The following CCSER1 variants were observed in gnomAD, a reference collection of about 807,000 sequenced individuals.
CCSER1 encodes coiled-coil serine rich protein 1, also known as serine-rich coiled-coil domain-containing protein 1.
Under a neutral mutation model 82.0 loss-of-function variants are expected in CCSER1, and 41 were observed. That is an observed-to-expected ratio of 0.50 (90% CI 0.39 to 0.65). CCSER1 has a LOEUF of 0.65. Among genes scored for constraint, CCSER1 ranks in the 30% least tolerant of loss-of-function variants. CCSER1 has a pLI of 0.00. For missense variants in CCSER1, 1,119 were observed against 1,064.2 expected, an observed-to-expected ratio of 1.05 and a Z score of -0.72; for synonymous variants, 414 against 383.9, an observed-to-expected ratio of 1.08 and a Z score of -0.92.
chr4:91,570,663 G>T (rs1763130661), intron 10 of CCSER1, among the ~76,000 whole-genome samples: 1 of 152,144 alleles, frequency 6.6e-6, no homozygotes, highest in South Asian at 2.1e-4. Context: ...ATGTCTCAAG[G>T]CTGCATAGAA....
Position 91,238,143 on chromosome 4 carries a change from T to A in CCSER1, c.2217+152149T>A, listed in dbSNP as rs1739162083. ...TTCACTCCCTTGATTGGGTTACTAA[T>A]CAGTTGACTTTGACGTTATCAAAAG... On this transcript the variant is annotated intron_variant, in intron 10 of 10. Transcript: ENST00000509176. Among the ~76,000 whole-genome samples the A allele has an allele frequency of 2.0e-5, 3 of 152,114 alleles. No individual in the cohort carries two copies. The South Asian group carries it at 6.2e-4, about 32-fold the overall frequency.
At chr4:91,017,470 G>A (rs1247537007) in intron 9 of CCSER1, among the ~76,000 whole-genome samples, 6 of 152,040 alleles carry the variant, frequency 3.9e-5, no homozygotes, top group Non-Finnish European at 7.4e-5. Context: ...AGGTAAACTC[G>A]TGTAATGGGG....
intron 9 of CCSER1, among the ~76,000 whole-genome samples, chr4:91,062,141 C>A (rs555052369): frequency 1.3e-5 from 2 of 151,944 alleles, no homozygotes; most frequent in African/African-American, 2.4e-5. Context: ...TCATCTTTTT[C>A]CCAAATTAAC....
At chr4:90,588,404 A>G (rs1782279303) in intron 5 of CCSER1, among the ~76,000 whole-genome samples, 1 of 152,186 alleles carries the variant, frequency 6.6e-6, no homozygotes, top group African/African-American at 2.4e-5. Context: ...TAATCTCAAG[A>G]AAACATTTTC....
intron 10 of CCSER1, among the ~76,000 whole-genome samples, chr4:91,268,119 TAATC>T (rs766246772): frequency 9.2e-5 from 14 of 152,196 alleles, no homozygotes; most frequent in Non-Finnish European, 1.9e-4. Context: ...ATTTTGAAAT[TAATC>T]ATACCAAAAT....
At chr4:91,277,622 T>A (rs1347588795) in intron 10 of CCSER1, among the ~76,000 whole-genome samples, 5 of 150,574 alleles carry the variant, frequency 3.3e-5, no homozygotes, top group Non-Finnish European at 7.4e-5. Flanking sequence ...TTATCTTTTT[T>A]AAAAAACAAC....
chr4:90,681,817 G>C (rs1441708414), intron 6 of CCSER1, among the ~76,000 whole-genome samples: 1 of 151,836 alleles, frequency 6.6e-6, no homozygotes, highest in Non-Finnish European at 1.5e-5. Flanking sequence ...TTTAAGAATT[G>C]ATAATTATAC....
chr4:90,165,526 A>G (rs1470798458), intron 1 of CCSER1, among the ~76,000 whole-genome samples: 8 of 152,090 alleles, frequency 5.3e-5, no homozygotes, highest in African/African-American at 1.7e-4. Flanking sequence ...TTCAACAAAC[A>G]TTAAATTGTT....
intron 7 of CCSER1, among the ~76,000 whole-genome samples, chr4:90,793,732 G>T (rs1755597822): frequency 6.6e-6 from 1 of 152,146 alleles, no homozygotes; most frequent in Non-Finnish European, 1.5e-5. Flanking sequence ...TTAGGTCTTT[G>T]AAGAATCACC....
chr4:91,177,876 C>G (rs7697321), intron 10 of CCSER1, among the ~76,000 whole-genome samples: 108,108 of 152,004 alleles, frequency 0.71, 38,902 homozygotes, highest in Non-Finnish European at 0.78. Context: ...TTTGCTCTTG[C>G]TTCTCTAGTT....
intron 10 of CCSER1, among the ~76,000 whole-genome samples, chr4:91,362,132 G>A (rs1391364767): frequency 1.3e-5 from 2 of 151,850 alleles, no homozygotes; most frequent in South Asian, 2.1e-4. Flanking sequence ...GGAAGATAAG[G>A]TCAGAGAGAT....
chr4:90,215,374 C>G (rs924278085), intron 1 of CCSER1, among the ~76,000 whole-genome samples: 1 of 152,164 alleles, frequency 6.6e-6, no homozygotes, highest in Non-Finnish European at 1.5e-5. Context: ...GTATATATTT[C>G]TTAAGCATAT....
intron 4 of CCSER1, among the ~76,000 whole-genome samples, chr4:90,453,739 A>G (rs888057727): frequency 7.2e-5 from 11 of 152,012 alleles, no homozygotes; most frequent in Admixed American, 6.6e-4. Flanking sequence ...AGGTCCTGCC[A>G]ACTACAACTA....
At chr4:90,831,387 A>C (rs1016808236) in intron 8 of CCSER1, among the ~76,000 whole-genome samples, 2 of 152,180 alleles carry the variant, frequency 1.3e-5, no homozygotes, top group African/African-American at 4.8e-5. Context: ...ATTTAAGAAA[A>C]CTGTATCATT....
intron 10 of CCSER1, among the ~76,000 whole-genome samples, chr4:91,179,131 C>T (rs1284509940): frequency 6.6e-6 from 1 of 152,172 alleles, no homozygotes; most frequent in Non-Finnish European, 1.5e-5. Context: ...TATTGGCCCC[C>T]ACTCTCTTCT....
At chr4:90,562,229 CTG>C in intron 5 of CCSER1, among the ~76,000 whole-genome samples, 1 of 151,120 alleles carries the variant, frequency 6.6e-6, no homozygotes, top group East Asian at 1.9e-4. Flanking sequence ...CAAAGTCACA[CTG>C]TGTTTCACAT....
At chr4:91,107,530 C>T (rs779038660) in intron 10 of CCSER1, among the ~76,000 whole-genome samples, 1 of 152,096 alleles carries the variant, frequency 6.6e-6, no homozygotes, top group Non-Finnish European at 1.5e-5. Flanking sequence ...GCTGGGATTA[C>T]AGGCATCAAT....
chr4:91,498,620 A>G (rs182172987), intron 10 of CCSER1, among the ~76,000 whole-genome samples: 14 of 151,840 alleles, frequency 9.2e-5, no homozygotes, highest in Non-Finnish European at 7.4e-5. Context: ...ATCTAAATAA[A>G]CTTTATAATT....
At chr4:90,143,647 G>A (rs1039655410) in intron 1 of CCSER1, among the ~76,000 whole-genome samples, 2 of 148,786 alleles carry the variant, frequency 1.3e-5, no homozygotes, top group African/African-American at 2.5e-5. Flanking sequence ...TCTTGAATAT[G>A]CTTCCTAGAA....
Sources: allele counts gnomAD v4.1 joint callset (sites outside exome capture counted in the v4.1 genomes callset), GRCh38; gene constraint gnomAD v4.1.1; transcripts MANE v1.5; gene names NCBI Gene and HGNC (gene_info 2026-07-23, HGNC 2026-07-21).